CEP97: variants seen among roughly 807,000 people sequenced by gnomAD.
CEP97 encodes centrosomal protein 97.
A neutral mutation model predicts 73.1 loss-of-function variants in CEP97; 43 were observed. That is an observed-to-expected ratio of 0.59 (90% CI 0.46 to 0.76). The LOEUF (loss-of-function observed/expected upper bound fraction) is 0.76. Among genes scored for constraint, CEP97 ranks in the 30% least tolerant of loss-of-function variants. The probability of loss-of-function intolerance (pLI) is 0.00; values close to 1 mark genes in which losing one functional copy is unlikely to be tolerated. For missense variants in CEP97, 939 were observed against 1,014.0 expected, an observed-to-expected ratio of 0.93 and a Z score of 1.00; for synonymous variants, 337 against 370.0, an observed-to-expected ratio of 0.91 and a Z score of 1.02.
chr3:101,748,932 G>T (rs531458475), intron 6 of CEP97, among the ~76,000 whole-genome samples: 10 of 152,054 alleles, frequency 6.6e-5, no homozygotes, highest in African/African-American at 1.9e-4. Context: ...GAGCCACTGC[G>T]CCCGGCCCAT....
At chr3:101,750,507 C>T (rs892625917) in intron 6 of CEP97, among the ~76,000 whole-genome samples, 8 of 152,094 alleles carry the variant, frequency 5.3e-5, no homozygotes, top group Non-Finnish European at 8.8e-5. Context: ...CTCCTTGTAC[C>T]TCTGGTAGAA....
intron 5 of CEP97, 99 bp downstream of exon 5, chr3:101,732,052 G>T (rs1420838675): frequency 1.4e-5 from 10 of 709,578 alleles, no homozygotes; most frequent in Non-Finnish European, 2.0e-5. Flanking sequence ...TGAGCATCTT[G>T]GAAGAAACTG....
At chr3:101,764,642 G>T (rs1224663480) in intron 10 of CEP97, among the ~76,000 whole-genome samples, 1 of 151,630 alleles carries the variant, frequency 6.6e-6, no homozygotes, top group Admixed American at 6.6e-5. Context: ...GGCAGACATG[G>T]TGGTGGGCAC....
rs551826437 is a variant in CEP97, at chr3:101,738,372, A to C, written c.728+5718A>C. Among the ~76,000 whole-genome samples the C allele has an allele frequency of 9.9e-5, 15 of 152,246 alleles. No individual in the cohort carries two copies. In the South Asian group the frequency reaches 3.1e-3, roughly 32 times the overall value. On this transcript the variant is annotated intron_variant, in intron 6 of 10. Coordinates refer to ENST00000341893, the MANE Select transcript of CEP97 (RefSeq NM_024548.4). ...AATAGATATCTACAGAACTCTCCAC[A>C]CCAAATCAACAGAATATACATTCTT...
Position 101,758,004 on chromosome 3 carries a change from G to C in CEP97, c.1398G>C (p.Met466Ile). ...CTGCAAATGAGAATTCTGTTCAAAT[G>C]ATGAGAAGTGAAATCAATACAGAGG... ...LWAANENSVQ[M>I]MRSEINTEVN... Residue 466 changes from methionine (M) to isoleucine (I), a missense_variant, in exon 9 of 11, where the codon ATG becomes ATC. Physicochemically the swap from Met to Ile is conservative, Grantham distance 10. Transcript: ENST00000341893. 6.2e-7 allele frequency: 1 copy of C among 1,614,206 alleles called. No homozygotes were observed. The highest frequency in any genetic ancestry group is 8.5e-7 in the Non-Finnish European group (1 of 1,180,046).
chr3:101,764,178 A>G (rs1279169852), intron 10 of CEP97, among the ~76,000 whole-genome samples: 1 of 152,208 alleles, frequency 6.6e-6, no homozygotes, highest in East Asian at 1.9e-4. Flanking sequence ...AAATTGTAAA[A>G]TAGACAGGTG....
At position 101,764,941 on chromosome 3, in the gene CEP97, C is replaced by T. The variant is rs1229193519; in HGVS notation, c.1988C>T (p.Ser663Leu). 9.9e-6 allele frequency: 16 copies of T among 1,614,022 alleles called. No homozygotes were observed. The highest frequency in any genetic ancestry group is 4.5e-5 in the East Asian group (2 of 44,900). The change falls in exon 11 of 11, where the codon TCG (serine) becomes TTG (leucine). Residue 663 changes from serine to leucine, a missense_variant. Coordinates refer to ENST00000341893, the MANE Select transcript of CEP97 (RefSeq NM_024548.4). ...CCTATATCAAGTACTCTTGTGCCAT[C>T]GAAACATCCATTATTTACCCAAAGC... ...VPPISSTLVPSKHPLFTQSQE... is the reference protein window; with the variant it reads ...VPPISSTLVPLKHPLFTQSQE...
chr3:101,736,694 C>T (rs1560010736), intron 6 of CEP97, among the ~76,000 whole-genome samples: 1 of 152,192 alleles, frequency 6.6e-6, no homozygotes, highest in Non-Finnish European at 1.5e-5. Context: ...ATCTGAAGGT[C>T]ACCAACATCA....
At chr3:101,738,372 A>G (rs551826437) in intron 6 of CEP97, among the ~76,000 whole-genome samples, 1 of 152,128 alleles carries the variant, frequency 6.6e-6, no homozygotes, top group African/African-American at 2.4e-5. Context: ...AACTCTCCAC[A>G]CCAAATCAAC....
At chr3:101,760,069 C>T (rs1451461392) in intron 9 of CEP97, among the ~76,000 whole-genome samples, 1 of 136,766 alleles carries the variant, frequency 7.3e-6, no homozygotes, top group African/African-American at 2.7e-5. Context: ...GATTGCAGTT[C>T]TTGAGAAGGT....
chr3:101,725,201 A>G (rs1483170631), intron 1 of CEP97, among the ~76,000 whole-genome samples: 2 of 152,162 alleles, frequency 1.3e-5, no homozygotes, highest in Admixed American at 1.3e-4. Flanking sequence ...TGGCCGTGAT[A>G]AAATCTAAGG....
rs1443807816 is a variant in CEP97, at chr3:101,728,929, T to G, written c.439T>G (p.Ser147Ala). The change falls in exon 4 of 11, where the codon TCC becomes GCC. Residue 147 changes from serine (S) to alanine (A), a missense_variant. Ser to Ala is a moderately conservative substitution (Grantham distance 99). Transcript: ENST00000341893. ...GATAGGTGATCTATCTAAATTGGTA[T>G]CCCTGAAAGTAAGTATGTTTTCTTT... is the stretch of plus-strand genomic sequence containing the variant. ...SQIGDLSKLV[S>A]LKTLLLHGNI... 1 of 1,492,296 alleles carries G rather than the reference T, an allele frequency of 6.7e-7. No homozygotes were observed. The highest frequency in any genetic ancestry group is 2.3e-5 in the East Asian group (1 of 44,288). 92.4% of individuals were successfully genotyped at this position (1,492,296 alleles called of 1,614,324 possible).
chr3:101,743,406 A>T (rs919596921), intron 6 of CEP97, among the ~76,000 whole-genome samples: 14 of 151,716 alleles, frequency 9.2e-5, no homozygotes, highest in East Asian at 3.9e-4. Flanking sequence ...ATATATATAT[A>T]TTTTTTGAAG....
Position 101,731,820 on chromosome 3 carries a change from A to C in CEP97, c.448-20A>C. 7.4e-7 allele frequency: 1 copy of C among 1,354,044 alleles called. No individual in the cohort carries two copies. Among genetic ancestry groups the C allele is most frequent in the Non-Finnish European group, 1.1e-6 (1 of 949,936 alleles). 83.9% of individuals were successfully genotyped at this position (1,354,044 alleles called of 1,614,324 possible). A position where few individuals can be genotyped will look rare whatever the true frequency, so the allele number is the denominator to read the frequency against. On this transcript the variant is annotated intron_variant, in intron 4 of 10. Transcript: ENST00000341893. The stretch of plus-strand genomic sequence containing the variant: ...TTTGTAATCTTTTCATTTGTAATTC[A>C]TACTGTTTTTACTTTCAAGACCCTG...
intron 6 of CEP97, among the ~76,000 whole-genome samples, chr3:101,738,292 A>C (rs375816370): frequency 4.4e-4 from 67 of 152,338 alleles, no homozygotes; most frequent in African/African-American, 1.6e-3. Context: ...TCAACAAGAC[A>C]GAAAATTAAC....
rs538446942 is a variant in CEP97 at position 101,762,556 on chromosome 3, A to G, written c.1889A>G (p.Asn630Ser). 1.7e-5 allele frequency: 27 copies of G among 1,607,424 alleles called. No individual in the cohort carries two copies. In the South Asian group the frequency reaches 2.5e-4, roughly 15 times the overall value. ...VQEEAFRFLW[N>S]QVRSLQVWQQ... ...GAAGAAGCTTTCAGATTCCTTTGGA[A>G]CCAGGTAAACTCCCTCCTGCTGATT... Residue 630 changes from asparagine (N) to serine (S), a missense_variant, in exon 10 of 11, where the codon AAC becomes AGC. Asn to Ser is a conservative substitution (Grantham distance 46). Coordinates refer to ENST00000341893, the MANE Select transcript of CEP97 (RefSeq NM_024548.4).
rs1327916528 is a variant in CEP97 at position 101,731,922 on chromosome 3, T to C, written c.530T>C (p.Leu177Ser). 6.2e-7 allele frequency: 1 copy of C among 1,606,952 alleles called. No individual in the cohort carries two copies. The highest frequency in any genetic ancestry group is 1.7e-5 in the Admixed American group (1 of 59,966). Residue 177 changes from leucine to serine, a missense_variant, in exon 5 of 11, where the codon TTG becomes TCG. Coordinates refer to ENST00000341893, the MANE Select transcript of CEP97 (RefSeq NM_024548.4). The part of the protein sequence containing the change: ...YLPRSLAILS[L>S]AENEIRDLNE... ...CCCAGAAGTCTTGCTATACTTTCTT[T>C]GGCAGAAAATGAAATCCGAGACTTA...
chr3:101,761,305 T>G (rs1405536788), intron 9 of CEP97, among the ~76,000 whole-genome samples: 4 of 152,168 alleles, frequency 2.6e-5, no homozygotes, highest in Non-Finnish European at 5.9e-5. Flanking sequence ...TGTTGGGTGC[T>G]TAGAACCATT....
chr3:101,741,472 G>A (rs1007374175), intron 6 of CEP97, among the ~76,000 whole-genome samples: 1 of 152,128 alleles, frequency 6.6e-6, no homozygotes, highest in African/African-American at 2.4e-5. Flanking sequence ...TCATCAAAGT[G>A]AACAGGCAAC....
Sources: allele counts gnomAD v4.1 joint callset (sites outside exome capture counted in the v4.1 genomes callset), GRCh38; gene constraint gnomAD v4.1.1; transcripts MANE v1.5; gene names NCBI Gene and HGNC (gene_info 2026-07-23, HGNC 2026-07-21).